Variants in FOXP2 observed in about 807,000 individuals in gnomAD.
FOXP2 encodes forkhead box protein P2.
In FOXP2, 12 loss-of-function variants were observed where a neutral mutation model predicts 115.8. That is an observed-to-expected ratio of 0.10 (90% CI 0.07 to 0.17). FOXP2 has a LOEUF of 0.17. Among genes scored for constraint, FOXP2 ranks in the 10% least tolerant of loss-of-function variants. The probability of loss-of-function intolerance (pLI) is 1.00; values close to 1 mark genes in which losing one functional copy is unlikely to be tolerated. For synonymous variants in FOXP2, 328 were observed against 297.7 expected (o/e 1.10, Z -1.05); for missense variants, 629 against 843.5 (o/e 0.75, Z 3.15).
rs1402753420 is a variant in FOXP2 at position 114,692,963 on chromosome 7, A to C, written c.*3037A>C. 2.2e-6 allele frequency: 1 copy of C among 453,900 alleles called. No homozygotes were observed. The highest frequency in any genetic ancestry group is 2.4e-5 in the Admixed American group (1 of 42,552). 28.1% of individuals were successfully genotyped at this position (453,900 alleles called of 1,614,324 possible). Reference sequence around the variant, plus strand: ...TATTCGTTCTGTATTCATGGCTTTCACTGCTGAATAAAATAAAGGACCAAA... The same window carrying C: ...TATTCGTTCTGTATTCATGGCTTTCCCTGCTGAATAAAATAAAGGACCAAA... On this transcript the variant is annotated 3_prime_UTR_variant, in exon 17 of 17. Coordinates refer to ENST00000350908, the MANE Select transcript of FOXP2 (RefSeq NM_014491.4).
chr7:114,512,364 TG>T (rs1189183309), intron 2 of FOXP2, among the ~76,000 whole-genome samples: 2 of 152,212 alleles, frequency 1.3e-5, no homozygotes, highest in Non-Finnish European at 2.9e-5. Context: ...GTGTTGTGTA[TG>T]ATCCCATACG....
intron 1 of FOXP2, among the ~76,000 whole-genome samples, chr7:114,127,301 C>A (rs540449387): frequency 6.6e-6 from 1 of 152,236 alleles, no homozygotes; most frequent in Admixed American, 6.5e-5. Context: ...TCTCATCACC[C>A]TCAATGGATC....
upstream of FOXP2, among the ~76,000 whole-genome samples, chr7:114,411,638 A>G (rs572869179): frequency 3.3e-5 from 5 of 152,222 alleles, 1 homozygote; most frequent in South Asian, 4.1e-4. Context: ...TATTGTTACA[A>G]TGTTACAGTT....
chr7:114,406,626 C>A (rs2129197767), intron 2 of FOXP2, among the ~76,000 whole-genome samples: 1 of 151,884 alleles, frequency 6.6e-6, no homozygotes, highest in South Asian at 2.1e-4. Flanking sequence ...AGTTTCCATT[C>A]TGAAAAAGAA....
intron 3 of FOXP2, among the ~76,000 whole-genome samples, chr7:114,570,324 T>C (rs1409931769): frequency 6.6e-6 from 1 of 151,922 alleles, no homozygotes; most frequent in Non-Finnish European, 1.5e-5. Flanking sequence ...TTAAATAAAT[T>C]ATTGTGATTG....
At chr7:114,590,764 A>G (rs1057252719) in intron 3 of FOXP2, among the ~76,000 whole-genome samples, 2 of 152,098 alleles carry the variant, frequency 1.3e-5, no homozygotes, top group Non-Finnish European at 2.9e-5. Flanking sequence ...TCTAGGGAGA[A>G]GTGGATGAAG....
intron 16 of FOXP2, chr7:114,667,420 C>T (rs926709706): frequency 6.6e-6 from 1 of 151,972 alleles, no homozygotes; most frequent in Non-Finnish European, 1.5e-5. Context: ...CAGAGTGAGA[C>T]TCTATCTGTC....
At chr7:114,426,471 G>A (rs772882072) in intron 1 of FOXP2, 31 bp from the exon 2 acceptor site, 1 of 1,600,146 alleles carries the variant, frequency 6.2e-7, no homozygotes, top group Non-Finnish European at 8.6e-7. Context: ...GGTGTAACGT[G>A]TGTTAATTGA....
intron 2 of FOXP2, among the ~76,000 whole-genome samples, chr7:114,345,963 T>C (rs1049806260): frequency 6.6e-6 from 1 of 151,808 alleles, no homozygotes; most frequent in African/African-American, 2.4e-5. Flanking sequence ...CTTTTTAATA[T>C]TTGGCTGCAT....
chr7:114,606,070 G>T (rs1034855471), intron 3 of FOXP2, among the ~76,000 whole-genome samples: 6 of 152,142 alleles, frequency 3.9e-5, no homozygotes, highest in Non-Finnish European at 8.8e-5. Flanking sequence ...GACTGAAGAG[G>T]CATTATAGAA....
intron 1 of FOXP2, among the ~76,000 whole-genome samples, chr7:114,132,614 A>C (rs934070639): frequency 8.8e-5 from 13 of 148,228 alleles, no homozygotes; most frequent in African/African-American, 3.3e-4. Context: ...AGAGAGAGAG[A>C]GATGGGGTGG....
At chr7:114,571,553 G>A (rs1801303980) in intron 3 of FOXP2, among the ~76,000 whole-genome samples, 1 of 151,826 alleles carries the variant, frequency 6.6e-6, no homozygotes, top group South Asian at 2.1e-4. Context: ...ACAGTCATGG[G>A]TTCTGTATCT....
chr7:114,230,411 A>ACAC (rs1274531696), intron 1 of FOXP2, among the ~76,000 whole-genome samples: 2 of 151,950 alleles, frequency 1.3e-5, no homozygotes, highest in African/African-American at 2.4e-5. Flanking sequence ...CCAGATAAAG[A>ACAC]CACTACACAA....
intron 2 of FOXP2, among the ~76,000 whole-genome samples, chr7:114,496,744 G>A (rs998391191): frequency 6.6e-6 from 1 of 152,048 alleles, no homozygotes; most frequent in African/African-American, 2.4e-5. Context: ...ATATATTATT[G>A]AATGATCTTA....
At chr7:114,492,843 G>C (rs1203731194) in intron 2 of FOXP2, among the ~76,000 whole-genome samples, 1 of 151,986 alleles carries the variant, frequency 6.6e-6, no homozygotes, top group Non-Finnish European at 1.5e-5. Flanking sequence ...TATGTGGTCA[G>C]TTTTGGAATA....
At chr7:114,676,175 C>T (rs571785659) in intron 16 of FOXP2, among the ~76,000 whole-genome samples, 9 of 151,070 alleles carry the variant, frequency 6.0e-5, no homozygotes, top group African/African-American at 1.7e-4. Flanking sequence ...GTGATCCACC[C>T]GCCTCGGCCT....
intron 16 of FOXP2, among the ~76,000 whole-genome samples, chr7:114,682,567 C>T (rs1206968949): frequency 5.3e-5 from 8 of 152,210 alleles, no homozygotes; most frequent in African/African-American, 1.9e-4. Context: ...TAACACATGG[C>T]ACCTTGAGGA....
Position 114,141,145 on chromosome 7 carries a change from A to G in FOXP2, c.-246-21799A>G, listed in dbSNP as rs916628759. Among the ~76,000 whole-genome samples the G allele has an allele frequency of 2.6e-5, 4 of 152,302 alleles. No individual in the cohort carries two copies. In the South Asian group the frequency reaches 8.3e-4, roughly 32 times the overall value. On this transcript the variant is annotated intron_variant, in intron 1 of 19. Coordinates refer to the FOXP2 transcript ENST00000635638. ...AATGAGAAAGAAAAGAAAGGCCCAT[A>G]TTTACCAGTAAGCTAAGTCACTCTT...
intron 2 of FOXP2, among the ~76,000 whole-genome samples, chr7:114,446,446 G>T (rs1304027269): frequency 6.6e-6 from 1 of 151,682 alleles, no homozygotes; most frequent in Non-Finnish European, 1.5e-5. Flanking sequence ...TCCACTCTTG[G>T]AGCTAATAAT....
Sources: allele counts gnomAD v4.1 joint callset (sites outside exome capture counted in the v4.1 genomes callset), GRCh38; gene constraint gnomAD v4.1.1; transcripts MANE v1.5; gene names NCBI Gene and HGNC (gene_info 2026-07-23, HGNC 2026-07-21).